DHX29: variants seen among roughly 807,000 people sequenced by gnomAD.
DHX29 encodes the protein DExH-box helicase 29, also known as ATP-dependent RNA helicase DHX29.
DHX29 carries 79 observed loss-of-function variants against 167.9 expected under a neutral mutation model. The ratio of observed to expected loss-of-function variants is 0.47; its 90% CI spans 0.39 to 0.57. The LOEUF (loss-of-function observed/expected upper bound fraction) is 0.57, where lower values mean the gene tolerates loss of function less well. Ranked by LOEUF, DHX29 falls within the 20% of genes least tolerant of loss-of-function variation. The pLI is 0.00. For synonymous variants in DHX29, 530 were observed against 546.0 expected, an observed-to-expected ratio of 0.97 and a Z score of 0.41; for missense variants, 1,347 against 1,593.4, an observed-to-expected ratio of 0.85 and a Z score of 2.63.
Position 55,274,648 on chromosome 5 carries a change from G to A in DHX29, c.2656C>T (p.Leu886Phe). Reference sequence around the variant, plus strand: ...TAAAATCTTCTATCATTTGATAGAAGATCATACAACTGCTGAATATGAGCA... The same window carrying A: ...TAAAATCTTCTATCATTTGATAGAAAATCATACAACTGCTGAATATGAGCA... ...GLAHIQQLYDLLSNDRRFYSE... is the reference protein window; with the variant it reads ...GLAHIQQLYDFLSNDRRFYSE... Residue 886 changes from leucine to phenylalanine, a missense_variant, in exon 16 of 27, where the codon CTT becomes TTT. By Grantham distance (22) the Leu-to-Phe change is conservative. Coordinates refer to ENST00000251636, the MANE Select transcript of DHX29 (RefSeq NM_019030.4). 1.2e-6 allele frequency: 2 copies of A among 1,603,080 alleles called. No individual in the cohort carries two copies. The highest frequency in any genetic ancestry group is 1.7e-6 in the Non-Finnish European group (2 of 1,176,170).
In DHX29 at chr5:55,273,338, T is replaced by C; in HGVS notation, c.2730A>G (p.Gln910=). Residue 910 remains glutamine, a synonymous_variant, in exon 17 of 27, where the codon CAA becomes CAG. Transcript: ENST00000251636. ...VIALHSILST[Q]DQAAAFTLPP... is the part of the protein sequence containing the mutation. The stretch of plus-strand genomic sequence containing the variant: ...GAAGTGTGAATGCTGCAGCTTGATC[T>C]TGGGTTGAAAGAATAGAATGCAGAG... 4.4e-6 allele frequency: 7 copies of C among 1,595,408 alleles called. No homozygotes were observed. The highest frequency in any genetic ancestry group is 6.0e-6 in the Non-Finnish European group (7 of 1,167,794).
At chr5:55,270,182 A>G (rs1554022892) in intron 20 of DHX29, among the ~76,000 whole-genome samples, 1 of 152,096 alleles carries the variant, frequency 6.6e-6, no homozygotes, top group Non-Finnish European at 1.5e-5. Flanking sequence ...CCCCCAGTTG[A>G]GAACTACTAG....
chr5:55,301,235 G>A (rs1364564963), intron 1 of DHX29, among the ~76,000 whole-genome samples: 6 of 152,088 alleles, frequency 3.9e-5, no homozygotes, highest in South Asian at 2.1e-4. Context: ...TCAATCTGCC[G>A]TAACATTACA....
At chr5:55,264,802 G>C (rs994360553) in intron 23 of DHX29, among the ~76,000 whole-genome samples, 4 of 152,128 alleles carry the variant, frequency 2.6e-5, no homozygotes, top group African/African-American at 9.7e-5. Flanking sequence ...AAAACTGCTA[G>C]GTAGAAGGAA....
intron 5 of DHX29, among the ~76,000 whole-genome samples, chr5:55,294,448 G>A (rs551468288): frequency 5.9e-5 from 9 of 152,240 alleles, no homozygotes; most frequent in Non-Finnish European, 1.0e-4. Flanking sequence ...GCCAAAGCGG[G>A]CGGATCACAA....
chr5:55,267,417 A>T (rs1012456863), intron 22 of DHX29, among the ~76,000 whole-genome samples, 186 bp from the exon 23 acceptor site: 5 of 152,216 alleles, frequency 3.3e-5, no homozygotes, highest in African/African-American at 1.2e-4. Flanking sequence ...CAGCATTGAC[A>T]GATATTTTCC....
Position 55,275,156 on chromosome 5 carries a change from G to A in DHX29, c.2428-146C>T, listed in dbSNP as rs141011184. The A allele has an allele frequency of 1.5e-4, 139 of 935,508 alleles. No individual in the cohort carries two copies. In the African/African-American group the frequency reaches 2.0e-3, roughly 13 times the overall value. The allele number at this position is 935,508 out of a possible 1,614,324, so 58.0% of individuals were successfully genotyped here. A position where few individuals can be genotyped will look rare whatever the true frequency, so the allele number is the denominator to read the frequency against. ...ACTATTTTGTTAAAATACAGGAAGCGTATACTTTTTAATAGTGGTGAGAGT... is the reference window on the plus strand; with the variant it reads ...ACTATTTTGTTAAAATACAGGAAGCATATACTTTTTAATAGTGGTGAGAGT... On this transcript the variant is annotated intron_variant, in intron 14 of 26. Coordinates refer to ENST00000251636, the MANE Select transcript of DHX29 (RefSeq NM_019030.4).
chr5:55,283,176 C>T (rs1442373512), intron 11 of DHX29, 27 bp downstream of exon 11: 1 of 1,550,626 alleles, frequency 6.4e-7, no homozygotes, highest in East Asian at 2.3e-5. Context: ...CCATCATTCA[C>T]TGAGGTGGAG....
At chr5:55,296,408 AATT>A in intron 3 of DHX29, 59 bp from the exon 4 acceptor site, 1 of 1,528,412 alleles carries the variant, frequency 6.5e-7, no homozygotes, top group Non-Finnish European at 8.8e-7. Flanking sequence ...CTGTGTTACT[AATT>A]ATCCCATTCA....
intron 23 of DHX29, among the ~76,000 whole-genome samples, chr5:55,264,880 A>G: frequency 6.6e-6 from 1 of 152,188 alleles, no homozygotes; most frequent in East Asian, 1.9e-4. Flanking sequence ...ATAAGGAAAA[A>G]GTAATTCTTC....
At chr5:55,281,949 C>T (rs965185844) in intron 11 of DHX29, among the ~76,000 whole-genome samples, 1 of 151,940 alleles carries the variant, frequency 6.6e-6, no homozygotes, top group Non-Finnish European at 1.5e-5. Context: ...CTACACCCAG[C>T]TAATTTTTGT....
intron 26 of DHX29, among the ~76,000 whole-genome samples, chr5:55,257,500 C>T (rs1579741929): frequency 1.3e-5 from 2 of 152,168 alleles, no homozygotes; most frequent in East Asian, 1.9e-4. Context: ...TCACAGCTCA[C>T]TGCAGCTCTG....
chr5:55,295,622 A>C, intron 4 of DHX29, 98 bp from the exon 5 acceptor site: 1 of 1,254,644 alleles, frequency 8.0e-7, no homozygotes, highest in South Asian at 1.5e-5. Context: ...CTAGACTTAG[A>C]GCACCTAATT....
At chr5:55,269,310 C>CT in intron 21 of DHX29, 103 bp downstream of exon 21, 1 of 1,026,070 alleles carries the variant, frequency 9.7e-7, no homozygotes, top group Non-Finnish European at 1.4e-6. Flanking sequence ...TATAGACATT[C>CT]TATTTAGTTA....
chr5:55,278,684 C>T (rs1747245484), intron 12 of DHX29, among the ~76,000 whole-genome samples: 1 of 152,006 alleles, frequency 6.6e-6, no homozygotes, highest in East Asian at 1.9e-4. Flanking sequence ...ACAAATGCCA[C>T]TGATGCTGAG....
intron 13 of DHX29, 67 bp downstream of exon 13, chr5:55,277,039 T>G: frequency 8.3e-7 from 1 of 1,203,876 alleles, no homozygotes. Flanking sequence ...CAAGTGCCCA[T>G]CTTCTAGGGA....
At chr5:55,295,608 T>C in intron 4 of DHX29, 84 bp from the exon 5 acceptor site, 1 of 1,409,680 alleles carries the variant, frequency 7.1e-7, no homozygotes, top group Admixed American at 2.2e-5. Context: ...TTTGTAAACC[T>C]TGCCTAGACT....
chr5:55,298,172 CAAAT>C (rs1192706351), intron 2 of DHX29, among the ~76,000 whole-genome samples: 1 of 151,242 alleles, frequency 6.6e-6, no homozygotes, highest in Admixed American at 6.6e-5. Flanking sequence ...ACAGAGGTGA[CAAAT>C]AAAAAGGGGA....
At chr5:55,299,036 C>CAA (rs35986300) in intron 1 of DHX29, among the ~76,000 whole-genome samples, 333 of 75,174 alleles carry the variant, frequency 4.4e-3, no homozygotes, top group Middle Eastern at 0.015. Flanking sequence ...GACTCCGTCT[C>CAA]AAAAAAAAAA....
Sources: allele counts gnomAD v4.1 joint callset (sites outside exome capture counted in the v4.1 genomes callset), GRCh38; gene constraint gnomAD v4.1.1; transcripts MANE v1.5; gene names NCBI Gene and HGNC (gene_info 2026-07-23, HGNC 2026-07-21).